TEX26: variants seen among roughly 807,000 people sequenced by gnomAD.
The protein encoded by TEX26 is testis expressed 26.
Under a neutral mutation model 35.3 loss-of-function variants are expected in TEX26, and 34 were observed. That is an observed-to-expected ratio of 0.96 (90% CI 0.73 to 1.28). TEX26 has a LOEUF of 1.28. Ranked by LOEUF, TEX26 falls within the 50% of genes most tolerant of loss-of-function variation. TEX26 has a pLI of 0.00. For synonymous variants in TEX26, 136 were observed against 111.8 expected, an observed-to-expected ratio of 1.22 and a Z score of -1.36; for missense variants, 371 against 330.1, an observed-to-expected ratio of 1.12 and a Z score of -0.96.
At chr13:30,935,944 C>G (rs1444020236) in intron 1 of TEX26, among the ~76,000 whole-genome samples, 1 of 152,256 alleles carries the variant, frequency 6.6e-6, no homozygotes, top group Admixed American at 6.5e-5. Flanking sequence ...GTCTCTGTCT[C>G]TGTCTTATAA....
At chr13:30,951,786 A>G (rs1953930775) in intron 2 of TEX26, among the ~76,000 whole-genome samples, 1 of 152,164 alleles carries the variant, frequency 6.6e-6, no homozygotes, top group African/African-American at 2.4e-5. Context: ...CAATTCCTTA[A>G]TATCAAATAG....
At chr13:30,965,122 G>C (rs1954480455) in intron 4 of TEX26, among the ~76,000 whole-genome samples, 4 of 152,104 alleles carry the variant, frequency 2.6e-5, no homozygotes, top group Admixed American at 2.6e-4. Flanking sequence ...CAGTTTATGA[G>C]GTCATTATGA....
chr13:30,971,807 T>C (rs73165094), intron 6 of TEX26, among the ~76,000 whole-genome samples: 12,853 of 152,252 alleles, frequency 0.084, 708 homozygotes, highest in Admixed American at 0.12. Context: ...AAAGACTGTG[T>C]CATCAGTCCA....
chr13:30,935,242 A>G (rs1291292366), intron 1 of TEX26, among the ~76,000 whole-genome samples: 1 of 152,220 alleles, frequency 6.6e-6, no homozygotes, highest in African/African-American at 2.4e-5. Flanking sequence ...TGTGAATGGC[A>G]GCAGGAGGCA....
In TEX26 at chr13:30,939,682, T is replaced by TTTA. The variant is rs769973813; in HGVS notation, c.62-11_62-10insTAT. ...GTTTGCCATATTTAAAACTGCTTTA[T>TTTA]TGTACTTTTAGCAGATGACCCCAAC... On this transcript the variant is annotated splice_polypyrimidine_tract_variant and intron_variant, in intron 1 of 6. Transcript: ENST00000380473. 1.5e-5 allele frequency: 24 copies of TTTA among 1,610,018 alleles called. 1 individual carries two copies. In the South Asian group the frequency reaches 2.4e-4, roughly 16 times the overall value.
chr13:30,947,626 A>T (rs1409111917), intron 2 of TEX26, among the ~76,000 whole-genome samples: 2 of 152,176 alleles, frequency 1.3e-5, no homozygotes, highest in Non-Finnish European at 2.9e-5. Flanking sequence ...TTAACAAATG[A>T]CTATTAAATT....
intron 1 of TEX26, among the ~76,000 whole-genome samples, chr13:30,935,317 C>T (rs1953232961): frequency 4.6e-5 from 7 of 152,204 alleles, no homozygotes; most frequent in Admixed American, 4.6e-4. Flanking sequence ...CCAGGGAGGG[C>T]CTGAAGTCTG....
intron 3 of TEX26, among the ~76,000 whole-genome samples, chr13:30,954,584 G>C (rs1399922934): frequency 6.6e-6 from 1 of 151,738 alleles, no homozygotes; most frequent in Admixed American, 6.6e-5. Context: ...TCACCCTCCA[G>C]AGTAGCTTAA....
intron 2 of TEX26, among the ~76,000 whole-genome samples, chr13:30,942,425 T>A (rs1953547856): frequency 6.6e-6 from 1 of 152,180 alleles, no homozygotes; most frequent in South Asian, 2.1e-4. Flanking sequence ...TAGTCCTTTG[T>A]TAGCTTCACA....
At position 30,952,838 on chromosome 13, in the gene TEX26, C is replaced by G. The variant is rs1389126203; in HGVS notation, c.312+13C>G. ...TCATCTCAATGAAGTAAGATAATAT[C>G]TACATATGTGTTGAATTTAATACTG... On this transcript the variant is annotated intron_variant, in intron 3 of 6. Coordinates refer to ENST00000380473, the MANE Select transcript of TEX26 (RefSeq NM_152325.3). The G allele has an allele frequency of 6.2e-7, 1 of 1,607,606 alleles. No individual in the cohort carries two copies. The highest frequency in any genetic ancestry group is 8.5e-7 in the Non-Finnish European group (1 of 1,176,262).
At chr13:30,955,218 G>T (rs1354407228) in intron 3 of TEX26, among the ~76,000 whole-genome samples, 2 of 152,166 alleles carry the variant, frequency 1.3e-5, no homozygotes, top group African/African-American at 4.8e-5. Context: ...TTTTAAATAA[G>T]TTTATGAATT....
chr13:30,937,313 G>T (rs1324221317), intron 1 of TEX26, among the ~76,000 whole-genome samples: 1 of 152,218 alleles, frequency 6.6e-6, no homozygotes, highest in Non-Finnish European at 1.5e-5. Context: ...CCACATGATT[G>T]ATTGGGAGGT....
At position 30,952,675 on chromosome 13, in the gene TEX26, A is replaced by G. The variant is rs368283305; in HGVS notation, c.162A>G (p.Arg54=). 6.3e-7 allele frequency: 1 copy of G among 1,587,836 alleles called. No individual in the cohort carries two copies. Among genetic ancestry groups the G allele is most frequent in the African/African-American group, 1.4e-5 (1 of 73,836 alleles). Residue 54 remains arginine (R), a synonymous_variant, in exon 3 of 7, where the codon AGA becomes AGG. Transcript: ENST00000380473. ...VPALIRQNGI[R]RLGYTYSLSD... ...TTTTTTATAGCCAAAACGGTATCAG[A>G]AGATTAGGATATACATATTCACTTA...
At chr13:30,970,918 C>T (rs1002520416) in intron 6 of TEX26, among the ~76,000 whole-genome samples, 2 of 152,224 alleles carry the variant, frequency 1.3e-5, no homozygotes, top group Non-Finnish European at 2.9e-5. Flanking sequence ...GTGAGGTAGA[C>T]CTGTTAGCTA....
intron 2 of TEX26, among the ~76,000 whole-genome samples, chr13:30,942,403 G>A (rs1221923297): frequency 6.6e-6 from 1 of 151,976 alleles, no homozygotes; most frequent in African/African-American, 2.4e-5. Flanking sequence ...GTTCCTTGTA[G>A]ATTTGGGATG....
At chr13:30,955,494 G>A (rs1954094252) in intron 3 of TEX26, among the ~76,000 whole-genome samples, 1 of 152,182 alleles carries the variant, frequency 6.6e-6, no homozygotes, top group Non-Finnish European at 1.5e-5. Context: ...GGAAAGAAGG[G>A]AATCAAGAGA....
intron 1 of TEX26, among the ~76,000 whole-genome samples, chr13:30,939,380 G>T (rs75457614): frequency 0.044 from 6,665 of 152,204 alleles, 539 homozygotes; most frequent in African/African-American, 0.15. Flanking sequence ...ATAATAGTAG[G>T]TCTCTTAAAA....
intron 6 of TEX26, 106 bp downstream of exon 6, chr13:30,969,152 T>G: frequency 2.1e-6 from 2 of 971,812 alleles, no homozygotes; most frequent in Non-Finnish European, 2.9e-6. Context: ...CCCACAAAAA[T>G]GAAAACATTG....
chr13:30,937,863 A>G (rs192002319), intron 1 of TEX26, among the ~76,000 whole-genome samples: 1 of 152,226 alleles, frequency 6.6e-6, no homozygotes, highest in Non-Finnish European at 1.5e-5. Context: ...AGAGTCTGTT[A>G]AATTATAAAC....
Sources: allele counts gnomAD v4.1 joint callset (sites outside exome capture counted in the v4.1 genomes callset), GRCh38; gene constraint gnomAD v4.1.1; transcripts MANE v1.5; gene names NCBI Gene and HGNC (gene_info 2026-07-23, HGNC 2026-07-21).